Variants in NEK11 observed in about 807,000 individuals in gnomAD.
NEK11 encodes NIMA related kinase 11.
In NEK11, 72 loss-of-function variants were observed where a neutral mutation model predicts 80.7. The ratio of observed to expected loss-of-function variants is 0.89; its 90% CI spans 0.74 to 1.08. The LOEUF (loss-of-function observed/expected upper bound fraction) is 1.08. Among genes scored for constraint, NEK11 ranks in the 50% least tolerant of loss-of-function variants. The pLI, the probability that NEK11 is intolerant of heterozygous loss-of-function variation, is 0.00. For synonymous variants in NEK11, 251 were observed against 260.7 expected, an observed-to-expected ratio of 0.96 and a Z score of 0.36; for missense variants, 764 against 763.6, an observed-to-expected ratio of 1.00 and a Z score of -0.01.
chr3:131,075,175 T>A (rs1450385990), intron 3 of NEK11, among the ~76,000 whole-genome samples: 1 of 152,166 alleles, frequency 6.6e-6, no homozygotes, highest in African/African-American at 2.4e-5. Flanking sequence ...ATGGACAAGA[T>A]GAATTAGAGA....
chr3:131,040,553 G>A (rs981487463), intron 3 of NEK11, among the ~76,000 whole-genome samples: 2 of 152,150 alleles, frequency 1.3e-5, no homozygotes, highest in Non-Finnish European at 2.9e-5. Context: ...CCTTAAGATT[G>A]TTAAACTGGC....
chr3:131,204,444 C>A (rs1176985723), intron 14 of NEK11, among the ~76,000 whole-genome samples: 4 of 152,122 alleles, frequency 2.6e-5, no homozygotes, highest in Non-Finnish European at 5.9e-5. Context: ...TGAAGTGGGG[C>A]AGTCTTGGGG....
chr3:131,143,577 T>C (rs186637481), intron 7 of NEK11, among the ~76,000 whole-genome samples: 2 of 151,668 alleles, frequency 1.3e-5, no homozygotes, highest in East Asian at 3.8e-4. Context: ...ATGCTTCCAC[T>C]GTATCTACTG....
chr3:131,104,105 G>T (rs1045742559), intron 4 of NEK11, among the ~76,000 whole-genome samples: 1 of 152,138 alleles, frequency 6.6e-6, no homozygotes, highest in African/African-American at 2.4e-5. Flanking sequence ...AGATAGTTTG[G>T]CCTCTTCTCC....
At chr3:131,168,303 A>G (rs939611091) in intron 12 of NEK11, among the ~76,000 whole-genome samples, 2 of 151,406 alleles carry the variant, frequency 1.3e-5, no homozygotes, top group East Asian at 1.9e-4. Flanking sequence ...TTCTGATTCA[A>G]TTAGTCCAGG....
Position 131,086,972 on chromosome 3 carries a change from G to A in NEK11, c.336+6384G>A, listed in dbSNP as rs569272282. 1.2e-3 allele frequency among the ~76,000 whole-genome samples: 185 copies of A among 152,040 alleles called. 1 individual carries two copies. The highest frequency in any genetic ancestry group is 1.6e-3 in the Non-Finnish European group (108 of 67,946). On this transcript the variant is annotated intron_variant, in intron 4 of 17. Coordinates refer to ENST00000383366, the MANE Select transcript of NEK11 (RefSeq NM_024800.5). ...GCAAATTATTTCATTTCTCTGACCCGTTTTTCTTAAGAGAGTATAACATAT... is the reference window on the plus strand; with the variant it reads ...GCAAATTATTTCATTTCTCTGACCCATTTTTCTTAAGAGAGTATAACATAT...
intron 4 of NEK11, 96 bp from the exon 5 acceptor site, chr3:131,109,707 T>A: frequency 8.0e-7 from 1 of 1,252,442 alleles, no homozygotes; most frequent in East Asian, 2.7e-5. Context: ...GGCACTTTCT[T>A]ATAAACAGTG....
At chr3:131,061,556 G>C (rs1247796303) in intron 3 of NEK11, among the ~76,000 whole-genome samples, 1 of 151,846 alleles carries the variant, frequency 6.6e-6, no homozygotes, top group Admixed American at 6.6e-5. Context: ...TCCTACTTCT[G>C]TTTCATTTCC....
chr3:131,144,876 A>G (rs1159761357), intron 7 of NEK11, among the ~76,000 whole-genome samples: 1 of 152,204 alleles, frequency 6.6e-6, no homozygotes, highest in Non-Finnish European at 1.5e-5. Context: ...ACTGCATACT[A>G]CAGTGTAGCT....
intron 16 of NEK11, among the ~76,000 whole-genome samples, chr3:131,247,261 T>G (rs2095617905): frequency 6.6e-6 from 1 of 152,190 alleles, no homozygotes; most frequent in Non-Finnish European, 1.5e-5. Context: ...GGTCTTACAT[T>G]TAAGTCTTTG....
chr3:131,311,107 C>CT (rs2096777908), intron 17 of NEK11, among the ~76,000 whole-genome samples: 3 of 151,970 alleles, frequency 2.0e-5, no homozygotes, highest in South Asian at 2.1e-4. Context: ...AAGCCCTGCA[C>CT]TTTTTTTCAA....
intron 9 of NEK11, among the ~76,000 whole-genome samples, chr3:131,154,238 T>C (rs1446356715): frequency 6.6e-6 from 1 of 151,960 alleles, no homozygotes. Flanking sequence ...CATATGCTGG[T>C]TGTGGGGATC....
chr3:131,316,479 G>A (rs901497286), intron 17 of NEK11, among the ~76,000 whole-genome samples: 9 of 152,110 alleles, frequency 5.9e-5, no homozygotes, highest in African/African-American at 2.2e-4. Context: ...AGCTTCACTG[G>A]GTGACAAAGT....
At chr3:131,150,708 A>C (rs1158210633) in intron 7 of NEK11, among the ~76,000 whole-genome samples, 5 of 151,984 alleles carry the variant, frequency 3.3e-5, no homozygotes, top group Admixed American at 3.3e-4. Flanking sequence ...TTTATTCTAC[A>C]TAATTTTTAA....
At chr3:131,089,100 A>G (rs2076388491) in intron 4 of NEK11, among the ~76,000 whole-genome samples, 1 of 152,196 alleles carries the variant, frequency 6.6e-6, no homozygotes, top group South Asian at 2.1e-4. Context: ...TTTTAGACAA[A>G]ATGTTTCCAC....
intron 17 of NEK11, among the ~76,000 whole-genome samples, chr3:131,320,949 TATTGCTATCAAATGACCAACAGA>T: frequency 1.3e-5 from 2 of 152,138 alleles, no homozygotes; most frequent in Non-Finnish European, 2.9e-5. Flanking sequence ...GATTCAATGC[TATTGCTATCAAATGACCAACAGA>T]ATTTTTTCAC....
chr3:131,194,153 T>C (rs892014097), intron 14 of NEK11, among the ~76,000 whole-genome samples: 8 of 152,354 alleles, frequency 5.3e-5, no homozygotes, highest in East Asian at 1.9e-4. Context: ...TATGTCAGCA[T>C]TGACAAATTG....
At chr3:131,220,951 G>C (rs920893842) in intron 14 of NEK11, among the ~76,000 whole-genome samples, 1 of 152,132 alleles carries the variant, frequency 6.6e-6, no homozygotes, top group Non-Finnish European at 1.5e-5. Context: ...CTACATCTGA[G>C]ATATAAGTTC....
At chr3:131,109,727 T>G in intron 4 of NEK11, 76 bp from the exon 5 acceptor site, 1 of 1,384,498 alleles carries the variant, frequency 7.2e-7, no homozygotes, top group Non-Finnish European at 9.8e-7. Context: ...GACTGCTATG[T>G]ATTAACTGTT....
Sources: gnomAD v4.1 joint callset for allele counts (sites outside exome capture counted in the v4.1 genomes callset) on GRCh38, gnomAD v4.1.1 for gene constraint, MANE v1.5 for transcripts, NCBI Gene and HGNC (gene_info 2026-07-23, HGNC 2026-07-21) for gene names.